Variants in WASF3 observed in about 807,000 individuals in gnomAD.
WASF3 encodes the protein WASP family member 3.
In WASF3, 11 loss-of-function variants were observed where a neutral mutation model predicts 46.6. The observed-to-expected ratio is 0.24, with a 90% CI of 0.15 to 0.39. The LOEUF is 0.39. Ranked by LOEUF, WASF3 falls within the 10% of genes least tolerant of loss-of-function variation. The pLI is 1.00. For synonymous variants in WASF3, 242 were observed against 259.7 expected, an observed-to-expected ratio of 0.93 and a Z score of 0.65; for missense variants, 576 against 669.8, an observed-to-expected ratio of 0.86 and a Z score of 1.55.
chr13:26,541,035 G>T, the WASF3 span, among the ~76,000 whole-genome samples: 3 of 152,136 alleles, frequency 2.0e-5, no homozygotes, highest in African/African-American at 7.2e-5. Context: ...GAAGTATTTT[G>T]CTTTTCTTCA....
intron 1 of WASF3, among the ~76,000 whole-genome samples, chr13:26,587,829 G>A (rs1880176121): frequency 6.6e-6 from 1 of 152,108 alleles, no homozygotes; most frequent in Non-Finnish European, 1.5e-5. Flanking sequence ...TTCATCTGTT[G>A]GTGAATGTCA....
the WASF3 span, among the ~76,000 whole-genome samples, chr13:26,549,364 C>T: frequency 6.6e-6 from 1 of 152,144 alleles, no homozygotes; most frequent in African/African-American, 2.4e-5. Flanking sequence ...TGGGGTTCTC[C>T]TTAATGGCAG....
intron 3 of WASF3, among the ~76,000 whole-genome samples, chr13:26,652,068 T>TC (rs1490953767): frequency 6.6e-6 from 1 of 152,162 alleles, no homozygotes; most frequent in African/African-American, 2.4e-5. Flanking sequence ...CCTAACCACA[T>TC]CAATAATTTC....
intron 1 of WASF3, chr13:26,577,819 G>A: frequency 1.7e-6 from 1 of 603,234 alleles, no homozygotes; most frequent in Non-Finnish European, 2.9e-6. Flanking sequence ...TGTGTGTTCT[G>A]TGCAATTTAA....
the WASF3 span, among the ~76,000 whole-genome samples, chr13:26,548,361 C>T: frequency 1.3e-5 from 2 of 152,194 alleles, no homozygotes; most frequent in African/African-American, 4.8e-5. Flanking sequence ...ATCAACTCCC[C>T]TGGGTCCTAT....
At chr13:26,551,703 A>G in the WASF3 span, among the ~76,000 whole-genome samples, 1 of 152,108 alleles carries the variant, frequency 6.6e-6, no homozygotes, top group East Asian at 1.9e-4. Flanking sequence ...CCAGGTGAGG[A>G]AGGGCAGGAG....
At chr13:26,672,483 G>T (rs1194305508) in intron 6 of WASF3, among the ~76,000 whole-genome samples, 1 of 152,172 alleles carries the variant, frequency 6.6e-6, no homozygotes, top group East Asian at 1.9e-4. Context: ...AAGGGGTAGG[G>T]GTAGGAAGAG....
chr13:26,603,653 C>CT (rs1880706870), intron 1 of WASF3, among the ~76,000 whole-genome samples: 1 of 152,076 alleles, frequency 6.6e-6, no homozygotes, highest in African/African-American at 2.4e-5. Context: ...CAGTGAGACT[C>CT]TGTGTCTCTC....
At chr13:26,670,669 C>A (rs1882904381) in intron 5 of WASF3, among the ~76,000 whole-genome samples, 1 of 152,046 alleles carries the variant, frequency 6.6e-6, no homozygotes, top group Admixed American at 6.5e-5. Flanking sequence ...GCCTTGGTAT[C>A]TTAGGGAAAC....
intron 1 of WASF3, among the ~76,000 whole-genome samples, chr13:26,579,972 A>C (rs1472593067): frequency 6.6e-6 from 1 of 152,130 alleles, no homozygotes; most frequent in African/African-American, 2.4e-5. Context: ...CAAATTTGTA[A>C]ATTTTCTTAG....
At chr13:26,643,576 C>T (rs1305843447) in intron 3 of WASF3, among the ~76,000 whole-genome samples, 2 of 152,146 alleles carry the variant, frequency 1.3e-5, no homozygotes, top group Non-Finnish European at 2.9e-5. Flanking sequence ...TAAAAATATA[C>T]AAATTCACAT....
chr13:26,663,862 A>C (rs1375866471), intron 3 of WASF3, among the ~76,000 whole-genome samples: 1 of 152,242 alleles, frequency 6.6e-6, no homozygotes, highest in East Asian at 1.9e-4. Flanking sequence ...AAAAGTTAGA[A>C]GACCATATTT....
chr13:26,653,748 C>T (rs1210309345), intron 3 of WASF3, among the ~76,000 whole-genome samples: 1 of 152,208 alleles, frequency 6.6e-6, no homozygotes, highest in African/African-American at 2.4e-5. Context: ...AAAGTAACAT[C>T]TTTATGCTGA....
At position 26,559,804 on chromosome 13, in the gene WASF3, CTTTCTTTTTTTTTTTTTTT is replaced by C. The variant is rs1300129015; in HGVS notation, c.-109+1989_-109+2007del. 9.9e-5 allele frequency among the ~76,000 whole-genome samples: 5 copies of C among 50,662 alleles called. 1 individual carries two copies. In the East Asian group the frequency reaches 2.6e-3, roughly 26 times the overall value. The allele number at this position is 50,662 out of a possible 152,430, so 33.2% of individuals were successfully genotyped here. On this transcript the variant is annotated intron_variant, in intron 1 of 9. Transcript: ENST00000335327. Reference sequence around the variant, plus strand: ...TTTCTTTTCTTTTCTTTCTTTCTTTCTTTCTTTTTTTTTTTTTTTTTTTTTTTTTTGAGACGGAGTCTTG... The same window carrying C: ...TTTCTTTTCTTTTCTTTCTTTCTTTCTTTTTTTTTTTGAGACGGAGTCTTG...
chr13:26,590,178 G>A (rs921549568), intron 1 of WASF3, among the ~76,000 whole-genome samples: 6 of 152,000 alleles, frequency 3.9e-5, no homozygotes, highest in African/African-American at 9.7e-5. Context: ...ATTTCCCATC[G>A]CGCTAATTTC....
At chr13:26,636,780 C>T (rs549875503) in intron 2 of WASF3, among the ~76,000 whole-genome samples, 61 of 152,356 alleles carry the variant, frequency 4.0e-4, no homozygotes, top group African/African-American at 1.1e-3. Flanking sequence ...TCAAAACTGG[C>T]AGCTGCCGTG....
chr13:26,540,964 C>T, the WASF3 span, among the ~76,000 whole-genome samples: 3 of 152,058 alleles, frequency 2.0e-5, no homozygotes, highest in Non-Finnish European at 2.9e-5. Flanking sequence ...CGCGCAAAAA[C>T]GGTCTGGAAA....
intron 1 of WASF3, among the ~76,000 whole-genome samples, chr13:26,604,896 C>G (rs777807161): frequency 6.6e-6 from 1 of 152,130 alleles, no homozygotes; most frequent in Admixed American, 6.5e-5. Flanking sequence ...ACACAGTGTC[C>G]CACTTTTTTA....
rs1352125905 is a variant in WASF3, at chr13:26,674,797, AT to A, written c.541-1751del. Among the ~76,000 whole-genome samples, 6 of 152,350 alleles carry A rather than the reference AT, an allele frequency of 3.9e-5. No individual in the cohort carries two copies. In the East Asian group the frequency reaches 1.2e-3, roughly 29 times the overall value. Reference sequence around the variant, plus strand: ...AGTTGAATTGCTCTTATTGAAGAGAATGTGAATTTTAAATTTTGAAAGATAG... The same window carrying A: ...AGTTGAATTGCTCTTATTGAAGAGAAGTGAATTTTAAATTTTGAAAGATAG... On this transcript the variant is annotated intron_variant, in intron 6 of 9. Transcript: ENST00000335327.
Sources: allele counts gnomAD v4.1 joint callset (sites outside exome capture counted in the v4.1 genomes callset), GRCh38; gene constraint gnomAD v4.1.1; transcripts MANE v1.5; gene names NCBI Gene and HGNC (gene_info 2026-07-23, HGNC 2026-07-21).